The following KCTD12 variants were observed in gnomAD, a reference collection of about 807,000 sequenced individuals.
KCTD12 encodes the protein BTB/POZ domain-containing protein KCTD12.
KCTD12 carries 16 observed loss-of-function variants against 22.6 expected under a neutral mutation model. The ratio of observed to expected loss-of-function variants is 0.71; its 90% confidence interval spans 0.48 to 1.07. The LOEUF (loss-of-function observed/expected upper bound fraction) is 1.07. KCTD12 is among the 50% of genes least tolerant of loss of function. KCTD12 has a pLI of 0.00. For synonymous variants in KCTD12, 260 were observed against 228.0 expected (o/e 1.14, Z -1.26); for missense variants, 452 against 469.2 (o/e 0.96, Z 0.34).
Position 76,885,544 on chromosome 13 carries a change from T to TC in KCTD12, c.604dup (p.Asp202GlyfsTer166). The TC allele has an allele frequency of 1.3e-6, 2 of 1,566,122 alleles. No homozygotes were observed. The highest frequency in any genetic ancestry group is 2.3e-5 in the South Asian group (2 of 87,044). ...GATGTAGCCCGAGCGCCGGCTGCCG[T>TC]CCAGCGACTGGGACGGCGTGAGCAG... On this transcript the variant is annotated frameshift_variant, in exon 1 of 1. Coordinates refer to ENST00000377474, the MANE Select transcript of KCTD12 (RefSeq NM_138444.4). LOFTEE classifies it high-confidence loss of function. This position sits in a 1 kb window ranked among gnomAD's most constrained non-coding sequence, Gnocchi z 5.1.
In KCTD12 at chr13:76,885,959, A is replaced by T. The variant is rs2033265289; in HGVS notation, c.190T>A (p.Phe64Ile). ...SVPDSLLWRMFTQQQPQELAR... is the reference protein window; with the variant it reads ...SVPDSLLWRMITQQQPQELAR... Reference sequence around the variant, plus strand: ...AGCTCCTGCGGCTGCTGCTGCGTGAACATGCGCCAGAGCAGCGAGTCGGGC... The same window carrying T: ...AGCTCCTGCGGCTGCTGCTGCGTGATCATGCGCCAGAGCAGCGAGTCGGGC... Residue 64 changes from phenylalanine to isoleucine, a missense_variant, in exon 1 of 1, where the codon TTC becomes ATC. This residue lies in a region of KCTD12 where 330 missense variants were observed against 296.5 expected (regional missense o/e 1.11). Coordinates refer to ENST00000377474, the MANE Select transcript of KCTD12 (RefSeq NM_138444.4). This position sits in a 1 kb window ranked among gnomAD's most constrained non-coding sequence, Gnocchi z 5.1. 2 of 1,590,098 alleles carry T rather than the reference A, an allele frequency of 1.3e-6. No individual in the cohort carries two copies. The highest frequency in any genetic ancestry group is 8.5e-7 in the Non-Finnish European group (1 of 1,175,702).
At position 76,882,373 on chromosome 13, in the gene KCTD12, G is replaced by A. The variant is rs922186782; in HGVS notation, c.*2798C>T. On this transcript the variant is annotated 3_prime_UTR_variant, in exon 1 of 1. Transcript: ENST00000377474. ...TCCCAGTCTTTCAAATAATGTGCGGGGCGGGGGGTGCTGGGTGTGACAGGG... is the reference window on the plus strand; with the variant it reads ...TCCCAGTCTTTCAAATAATGTGCGGAGCGGGGGGTGCTGGGTGTGACAGGG... The A allele has an allele frequency of 3.9e-5, 6 of 152,310 alleles. No homozygotes were observed. The highest frequency in any genetic ancestry group is 5.9e-5 in the Non-Finnish European group (4 of 68,124). The allele number at this position is 152,310 out of a possible 1,614,324, so 9.4% of individuals were successfully genotyped here.
chr13:76,880,356 A>C lies in KCTD12; in HGVS notation c.*4815T>G, dbSNP rs1394579821. 1 of 152,578 alleles carries C rather than the reference A, an allele frequency of 6.6e-6. No homozygotes were observed. The highest frequency in any genetic ancestry group is 1.5e-5 in the Non-Finnish European group (1 of 68,040). The allele number at this position is 152,578 out of a possible 1,614,324, so 9.5% of individuals were successfully genotyped here. ...ATTAGATGGTTGAAGAAATTCTCAA[A>C]GTTTGGGCATGTCTGAAAAGACTTT... On this transcript the variant is annotated 3_prime_UTR_variant, in exon 1 of 1. Transcript: ENST00000377474.
rs1045512271 is a variant in KCTD12 at position 76,882,787 on chromosome 13, T to C, written c.*2384A>G. On this transcript the variant is annotated 3_prime_UTR_variant, in exon 1 of 1. Transcript: ENST00000377474. The stretch of plus-strand genomic sequence containing the variant: ...ATACAAGCAAGCACAACTTCCTAGA[T>C]TTCTGCTTCCATTTCGCCTAAAATT... 3 of 152,202 alleles carry C rather than the reference T, an allele frequency of 2.0e-5. No homozygotes were observed. Among genetic ancestry groups the C allele is most frequent in the Non-Finnish European group, 4.4e-5 (3 of 68,032 alleles). The allele number at this position is 152,202 out of a possible 1,614,324, so 9.4% of individuals were successfully genotyped here. A position where few individuals can be genotyped will look rare whatever the true frequency, so the allele number is the denominator to read the frequency against.
Position 76,885,737 on chromosome 13 carries a change from C to A in KCTD12, c.412G>T (p.Gly138Trp). Residue 138 changes from glycine to tryptophan, a missense_variant, in exon 1 of 1, where the codon GGG becomes TGG. Transcript: ENST00000377474. This position sits in a 1 kb window ranked among gnomAD's most constrained non-coding sequence, Gnocchi z 5.1. The stretch of plus-strand genomic sequence containing the variant: ...ACCCCGCGCCGCGAGGGCGGCGGCC[C>A]CGGGCCGGGCTGCTGGGGCGCCCCG... ...RLGAPQQPGP[G>W]PPPSRRGVHK... is the part of the protein sequence containing the mutation. The A allele has an allele frequency of 7.0e-7, 1 of 1,424,264 alleles. No homozygotes were observed. 88.2% of individuals were successfully genotyped at this position (1,424,264 alleles called of 1,614,324 possible).
In KCTD12 at chr13:76,881,717, C is replaced by A. The variant is rs551918083; in HGVS notation, c.*3454G>T. The A allele has an allele frequency of 4.6e-5, 7 of 151,588 alleles. No homozygotes were observed. The highest frequency in any genetic ancestry group is 1.7e-4 in the African/African-American group (7 of 41,292). 9.4% of individuals were successfully genotyped at this position (151,588 alleles called of 1,614,324 possible). A position where few individuals can be genotyped will look rare whatever the true frequency, so the allele number is the denominator to read the frequency against. On this transcript the variant is annotated 3_prime_UTR_variant, in exon 1 of 1. Transcript: ENST00000377474. The stretch of plus-strand genomic sequence containing the variant: ...AGGGAAAAATTTTTAAATCTCACAT[C>A]TTCAAGGAATATTTTCTACAGCATA...
In KCTD12 at chr13:76,885,585, C is replaced by A; in HGVS notation, c.564G>T (p.Gly188=). The part of the protein sequence containing the change: ...TLELASRSPS[G]GAAGPLLTPS... ...GCGTGAGCAGCGGGCCCGCCGCGCC[C>A]CCGGACGGACTGCGGCTAGCCAGCT... is the stretch of plus-strand genomic sequence containing the variant. The change falls in exon 1 of 1, where the codon GGG becomes GGT. Residue 188 remains glycine, a synonymous_variant. Coordinates refer to ENST00000377474, the MANE Select transcript of KCTD12 (RefSeq NM_138444.4). This position sits in a 1 kb window ranked among gnomAD's most constrained non-coding sequence, Gnocchi z 5.1. 2 of 1,537,808 alleles carry A rather than the reference C, an allele frequency of 1.3e-6. No individual in the cohort carries two copies. The highest frequency in any genetic ancestry group is 2.7e-5 in the African/African-American group (2 of 73,552).
chr13:76,885,694 A>C lies in KCTD12; in HGVS notation c.455T>G (p.Leu152Arg). ...GCCAAGCGGCAGCAGCTCGTCACCCAGCGAGCCCTCCTTGTGCACCCCGCG... is the reference window on the plus strand; with the variant it reads ...GCCAAGCGGCAGCAGCTCGTCACCCCGCGAGCCCTCCTTGTGCACCCCGCG... ...SRRGVHKEGS[L>R]GDELLPLGYS... Residue 152 changes from leucine (L) to arginine (R), a missense_variant, in exon 1 of 1, where the codon CTG becomes CGG. Physicochemically the swap from Leu to Arg is moderately radical, Grantham distance 102 (BLOSUM62 -2). Around this residue, in one of 2 missense-constraint regions of KCTD12, gnomAD observed 330 missense variants for 296.5 expected, o/e 1.11. Transcript: ENST00000377474. This position sits in a 1 kb window ranked among gnomAD's most constrained non-coding sequence, Gnocchi z 5.1. 2 of 1,440,036 alleles carry C rather than the reference A, an allele frequency of 1.4e-6. No homozygotes were observed. The highest frequency in any genetic ancestry group is 1.8e-6 in the Non-Finnish European group (2 of 1,110,356). 89.2% of individuals were successfully genotyped at this position (1,440,036 alleles called of 1,614,324 possible).
In KCTD12 at chr13:76,885,882, G is replaced by T; in HGVS notation, c.267C>A (p.Phe89Leu). 1 of 1,597,396 alleles carries T rather than the reference G, an allele frequency of 6.3e-7. No individual in the cohort carries two copies. Among genetic ancestry groups the T allele is most frequent in the Non-Finnish European group, 8.5e-7 (1 of 1,179,494 alleles). ...CCCGCAGGTAATCCAGGATGTAGCG[G>T]AAGAGGAAGCCGTCCCGGTCCAGAA... ...RFFLDRDGFLFRYILDYLRDL... is the reference protein window; with the variant it reads ...RFFLDRDGFLLRYILDYLRDL... Residue 89 changes from phenylalanine (F) to leucine (L), a missense_variant, in exon 1 of 1, where the codon TTC becomes TTA. This residue lies in a region of KCTD12 where 330 missense variants were observed against 296.5 expected (regional missense o/e 1.11). Transcript: ENST00000377474. This position sits in a 1 kb window ranked among gnomAD's most constrained non-coding sequence, Gnocchi z 5.1.
In KCTD12 at chr13:76,880,242, T is replaced by TCA. The variant is rs2033188517; in HGVS notation, c.*4927_*4928dup. On this transcript the variant is annotated 3_prime_UTR_variant, in exon 1 of 1. Coordinates refer to ENST00000377474, the MANE Select transcript of KCTD12 (RefSeq NM_138444.4). The stretch of plus-strand genomic sequence containing the variant: ...CATAACAAGTCACATAATCAATGAT[T>TCA]CATTACTTCACACACAGGAAGGAAA... 2 of 152,662 alleles carry TCA rather than the reference T, an allele frequency of 1.3e-5. No individual in the cohort carries two copies. The highest frequency in any genetic ancestry group is 4.8e-5 in the African/African-American group (2 of 41,454). The allele number at this position is 152,662 out of a possible 1,614,324, so 9.5% of individuals were successfully genotyped here. A position where few individuals can be genotyped will look rare whatever the true frequency, so the allele number is the denominator to read the frequency against.
Position 76,880,391 on chromosome 13 carries a change from T to C in KCTD12, c.*4780A>G, listed in dbSNP as rs1392620821. 2 of 152,436 alleles carry C rather than the reference T, an allele frequency of 1.3e-5. No individual in the cohort carries two copies. The highest frequency in any genetic ancestry group is 2.9e-5 in the Non-Finnish European group (2 of 68,038). The allele number at this position is 152,436 out of a possible 1,614,324, so 9.4% of individuals were successfully genotyped here. On this transcript the variant is annotated 3_prime_UTR_variant, in exon 1 of 1. Coordinates refer to ENST00000377474, the MANE Select transcript of KCTD12 (RefSeq NM_138444.4). Reference sequence around the variant, plus strand: ...TGTCTGAAAAGACTTTGACTGCATCTTTTTTCAATATAAAGGGATTTTTTT... The same window carrying C: ...TGTCTGAAAAGACTTTGACTGCATCCTTTTTCAATATAAAGGGATTTTTTT...
chr13:76,886,339 G>A lies in KCTD12; in HGVS notation c.-191C>T. ...CCGCGCGGAGCCGAGCGGTGCGAGC[G>A]CGCCGCTGTGCGCCCCCTTGAGTTC... On this transcript the variant is annotated 5_prime_UTR_variant, in exon 1 of 1. Coordinates refer to ENST00000377474, the MANE Select transcript of KCTD12 (RefSeq NM_138444.4). 2 of 460,366 alleles carry A rather than the reference G, an allele frequency of 4.3e-6. No individual in the cohort carries two copies. The highest frequency in any genetic ancestry group is 6.5e-6 in the Non-Finnish European group (2 of 308,638). The allele number at this position is 460,366 out of a possible 1,614,324, so 28.5% of individuals were successfully genotyped here.
In KCTD12 at chr13:76,883,678, G is replaced by A. The variant is rs1053444469; in HGVS notation, c.*1493C>T. 2 of 152,578 alleles carry A rather than the reference G, an allele frequency of 1.3e-5. No individual in the cohort carries two copies. Among genetic ancestry groups the A allele is most frequent in the South Asian group, 2.1e-4 (1 of 4,832 alleles). 9.5% of individuals were successfully genotyped at this position (152,578 alleles called of 1,614,324 possible). On this transcript the variant is annotated 3_prime_UTR_variant, in exon 1 of 1. Coordinates refer to ENST00000377474, the MANE Select transcript of KCTD12 (RefSeq NM_138444.4). Reference sequence around the variant, plus strand: ...CTTGGTGCTGAGTTCTCTGCAGCTCGTCATTTGAAAGGATTCCACTTAACT... The same window carrying A: ...CTTGGTGCTGAGTTCTCTGCAGCTCATCATTTGAAAGGATTCCACTTAACT...
chr13:76,885,071 G>A lies in KCTD12; in HGVS notation c.*100C>T, dbSNP rs537661135. The A allele has an allele frequency of 2.9e-5, 39 of 1,362,160 alleles. No individual in the cohort carries two copies. The African/African-American group carries it at 3.9e-4, about 14-fold the overall frequency. The allele number at this position is 1,362,160 out of a possible 1,614,324, so 84.4% of individuals were successfully genotyped here. ...CTACTACTGGAGGGGGAGAATGGGA[G>A]GGCAGCAGCCAGGGGACAAAGGTGG... On this transcript the variant is annotated 3_prime_UTR_variant, in exon 1 of 1. Transcript: ENST00000377474. The surrounding 1 kb of genome is among the most constrained non-coding windows in gnomAD (Gnocchi z 5.1).
chr13:76,885,459 G>A lies in KCTD12; in HGVS notation c.690C>T (p.Phe230=). 6.2e-7 allele frequency: 1 copy of A among 1,610,566 alleles called. No individual in the cohort carries two copies. Among genetic ancestry groups the A allele is most frequent in the African/African-American group, 1.3e-5 (1 of 75,052 alleles). ...AAACGGTGATGCGCGCCACTCGCCG[G>A]AACTTGGCGTCCGCCTGCGCGTCCC... The part of the protein sequence containing the change: ...IGRDAQADAK[F]RRVARITVCG... The change falls in exon 1 of 1, where the codon TTC becomes TTT. Residue 230 remains phenylalanine, a synonymous_variant. Coordinates refer to ENST00000377474, the MANE Select transcript of KCTD12 (RefSeq NM_138444.4). The surrounding 1 kb of genome is among the most constrained non-coding windows in gnomAD (Gnocchi z 5.1).
At position 76,885,879 on chromosome 13, in the gene KCTD12, G is replaced by A. The variant is rs751329210; in HGVS notation, c.270C>T (p.Arg90=). The change falls in exon 1 of 1, where the codon CGC becomes CGT. Residue 90 remains arginine (R), a synonymous_variant. Transcript: ENST00000377474. This position sits in a 1 kb window ranked among gnomAD's most constrained non-coding sequence, Gnocchi z 5.1. ...AGTCCCGCAGGTAATCCAGGATGTAGCGGAAGAGGAAGCCGTCCCGGTCCA... is the reference window on the plus strand; with the variant it reads ...AGTCCCGCAGGTAATCCAGGATGTAACGGAAGAGGAAGCCGTCCCGGTCCA... ...FFLDRDGFLF[R]YILDYLRDLQ... is the part of the protein sequence containing the mutation. The A allele has an allele frequency of 6.3e-6, 10 of 1,597,412 alleles. No homozygotes were observed. The highest frequency in any genetic ancestry group is 2.2e-5 in the East Asian group (1 of 44,776).
rs1555308954 is a variant in KCTD12 at position 76,886,270 on chromosome 13, G to GCCA, written c.-123_-122insTGG. 6.2e-5 allele frequency: 72 copies of GCCA among 1,162,332 alleles called. No individual in the cohort carries two copies. The highest frequency in any genetic ancestry group is 8.8e-5 in the Admixed American group (2 of 22,836). The allele number at this position is 1,162,332 out of a possible 1,614,324, so 72.0% of individuals were successfully genotyped here. ...CTCAGCCCTGCGCCCCGCCGCCGCC[G>GCCA]CCGCCGCCACCGCCGCCACCGCCAC... On this transcript the variant is annotated 5_prime_UTR_variant, in exon 1 of 1. Transcript: ENST00000377474.
Position 76,881,385 on chromosome 13 carries a change from TGAATA to T in KCTD12, c.*3781_*3785del, listed in dbSNP as rs937245087. On this transcript the variant is annotated 3_prime_UTR_variant, in exon 1 of 1. Coordinates refer to ENST00000377474, the MANE Select transcript of KCTD12 (RefSeq NM_138444.4). ...TGCATGTGGGAGTACACAAATGAAT[TGAATA>T]TTGGATCAGAATTTACCCTAACTTG... The T allele has an allele frequency of 1.3e-5, 2 of 152,630 alleles. No homozygotes were observed. Among genetic ancestry groups the T allele is most frequent in the Admixed American group, 6.5e-5 (1 of 15,284 alleles). The allele number at this position is 152,630 out of a possible 1,614,324, so 9.5% of individuals were successfully genotyped here.
At position 76,885,975 on chromosome 13, in the gene KCTD12, C is replaced by A; in HGVS notation, c.174G>T (p.Ser58=). The A allele has an allele frequency of 6.3e-7, 1 of 1,588,824 alleles. No individual in the cohort carries two copies. The highest frequency in any genetic ancestry group is 1.7e-5 in the Admixed American group (1 of 58,430). Residue 58 remains serine (S), a synonymous_variant, in exon 1 of 1, where the codon TCG becomes TCT. Transcript: ENST00000377474. The surrounding 1 kb of genome is among the most constrained non-coding windows in gnomAD (Gnocchi z 5.1). ...RRCTVVSVPD[S]LLWRMFTQQQ... ...GCTGCGTGAACATGCGCCAGAGCAGCGAGTCGGGCACCGACACCACCGTGC... is the reference window on the plus strand; with the variant it reads ...GCTGCGTGAACATGCGCCAGAGCAGAGAGTCGGGCACCGACACCACCGTGC...
Sources: allele counts gnomAD v4.1 joint callset, GRCh38; gene constraint gnomAD v4.1.1; regional missense constraint gnomAD v4.1.1; non-coding constraint Gnocchi (gnomAD v3.1); transcripts MANE v1.5; gene names NCBI Gene and HGNC (gene_info 2026-07-23, HGNC 2026-07-21).